The following PRR16 variants were observed in gnomAD, a reference collection of about 807,000 sequenced individuals.
PRR16 encodes the protein proline rich 16.
PRR16 carries 6 observed loss-of-function variants against 18.2 expected under a neutral mutation model. The observed-to-expected ratio is 0.33, with a 90% CI of 0.18 to 0.65. The LOEUF (loss-of-function observed/expected upper bound fraction) is 0.65, where lower values mean the gene tolerates loss of function less well. Among genes scored for constraint, PRR16 ranks in the 30% least tolerant of loss-of-function variants. The pLI, the probability that PRR16 is intolerant of heterozygous loss-of-function variation, is 0.74. For synonymous variants in PRR16, 151 were observed against 147.8 expected (o/e 1.02, Z -0.16); for missense variants, 412 against 376.6 (o/e 1.09, Z -0.78).
chr5:120,694,121 A>G, the PRR16 span, among the ~76,000 whole-genome samples: 1 of 152,256 alleles, frequency 6.6e-6, no homozygotes, highest in African/African-American at 2.4e-5. Flanking sequence ...AACCTTGAAC[A>G]AATACAAATC....
chr5:120,469,622 G>A (rs1749206964), intron 1 of PRR16, among the ~76,000 whole-genome samples: 1 of 152,126 alleles, frequency 6.6e-6, no homozygotes, highest in Non-Finnish European at 1.5e-5. Flanking sequence ...GAGCCACCAT[G>A]TCTGGCTTGA....
the PRR16 span, among the ~76,000 whole-genome samples, chr5:120,754,476 T>A: frequency 1.1e-5 from 1 of 92,010 alleles, no homozygotes; most frequent in Admixed American, 1.7e-4. Flanking sequence ...ATAGTATATA[T>A]TATATAATAT....
intron 1 of PRR16, among the ~76,000 whole-genome samples, chr5:120,635,960 T>A (rs1216313278): frequency 6.6e-6 from 1 of 152,120 alleles, no homozygotes; most frequent in African/African-American, 2.4e-5. Flanking sequence ...TTAGTAGTTC[T>A]GCTATATACC....
At position 120,499,528 on chromosome 5, in the gene PRR16, G is replaced by A. The variant is rs904105554; in HGVS notation, c.159+34883G>A. ...ATTCATGGATTCTTCTGTTTCTTCT[G>A]TTCTGCTATTGATTCTATTCCCTGG... On this transcript the variant is annotated intron_variant, in intron 1 of 1. Coordinates refer to ENST00000407149, the MANE Select transcript of PRR16 (RefSeq NM_001300783.2). 2.6e-5 allele frequency among the ~76,000 whole-genome samples: 4 copies of A among 151,958 alleles called. No homozygotes were observed. In the East Asian group the frequency reaches 7.7e-4, roughly 29 times the overall value.
intron 1 of PRR16, among the ~76,000 whole-genome samples, chr5:120,546,116 A>C (rs574906399): frequency 7.9e-5 from 12 of 152,048 alleles, no homozygotes; most frequent in Non-Finnish European, 1.5e-4. Flanking sequence ...GGAGTTAATA[A>C]CAGTGTTGCA....
chr5:120,482,898 A>G (rs1000678300), intron 1 of PRR16, among the ~76,000 whole-genome samples: 1 of 152,186 alleles, frequency 6.6e-6, no homozygotes, highest in Non-Finnish European at 1.5e-5. Context: ...ATGGCATAGG[A>G]TGAATAAGGA....
intron 1 of PRR16, among the ~76,000 whole-genome samples, chr5:120,492,105 T>C (rs1226975619): frequency 6.9e-6 from 1 of 144,762 alleles, no homozygotes; most frequent in African/African-American, 2.6e-5. Flanking sequence ...TTTTTTTTTT[T>C]GAGACAGCAC....
intron 1 of PRR16, among the ~76,000 whole-genome samples, chr5:120,571,287 G>A (rs1752898987): frequency 6.6e-6 from 1 of 152,146 alleles, no homozygotes; most frequent in South Asian, 2.1e-4. Flanking sequence ...TGAGCCATGT[G>A]GGTGATGAGA....
chr5:120,573,569 G>A (rs1752973922), intron 1 of PRR16, among the ~76,000 whole-genome samples: 1 of 152,100 alleles, frequency 6.6e-6, no homozygotes, highest in African/African-American at 2.4e-5. Context: ...GGTGAACTTG[G>A]AGAACATTGA....
chr5:120,490,069 C>T (rs1749970818), intron 1 of PRR16, among the ~76,000 whole-genome samples: 1 of 152,202 alleles, frequency 6.6e-6, no homozygotes, highest in African/African-American at 2.4e-5. Flanking sequence ...ACCTTTCTCT[C>T]TGGCTGCCCT....
intron 1 of PRR16, among the ~76,000 whole-genome samples, chr5:120,558,300 A>G (rs922417424): frequency 1.3e-5 from 2 of 151,694 alleles, no homozygotes; most frequent in Non-Finnish European, 3.0e-5. Flanking sequence ...CTCTTCCCCA[A>G]CTACCCTTTT....
intron 1 of PRR16, among the ~76,000 whole-genome samples, chr5:120,548,922 A>G (rs956757430): frequency 6.6e-6 from 1 of 151,894 alleles, no homozygotes; most frequent in Non-Finnish European, 1.5e-5. Flanking sequence ...ACATTGAGAC[A>G]TGCTGAAAAT....
In PRR16 at chr5:120,638,523, A is replaced by G. The variant is rs186662994; in HGVS notation, c.160-47431A>G. 2.3e-4 allele frequency among the ~76,000 whole-genome samples: 35 copies of G among 152,212 alleles called. No homozygotes were observed. The East Asian group carries it at 6.8e-3, about 29-fold the overall frequency. Reference sequence around the variant, plus strand: ...CCATTTATTGACTTATTTAAGTCTAACAAGGTCATGAGATTCTATTATAAT... The same window carrying G: ...CCATTTATTGACTTATTTAAGTCTAGCAAGGTCATGAGATTCTATTATAAT... On this transcript the variant is annotated intron_variant, in intron 1 of 1. Transcript: ENST00000407149.
At chr5:120,702,661 T>C in the PRR16 span, among the ~76,000 whole-genome samples, 47,964 of 151,984 alleles carry the variant, frequency 0.32, 8,028 homozygotes, top group Middle Eastern at 0.44. Context: ...GCCGGAGTTT[T>C]GGGTCCACGG....
At chr5:120,644,277 A>G (rs1554091117) in intron 1 of PRR16, among the ~76,000 whole-genome samples, 2 of 152,192 alleles carry the variant, frequency 1.3e-5, no homozygotes, top group South Asian at 2.1e-4. Flanking sequence ...TATTTTTATT[A>G]TTTAACTTTA....
chr5:120,497,416 A>C (rs1580649320), intron 1 of PRR16, among the ~76,000 whole-genome samples: 4 of 100,982 alleles, frequency 4.0e-5, no homozygotes, highest in Non-Finnish European at 7.2e-5. Context: ...TTGGAGATGG[A>C]GTCTCACGCT....
intron 1 of PRR16, among the ~76,000 whole-genome samples, chr5:120,556,113 T>C (rs1752401219): frequency 6.6e-6 from 1 of 151,594 alleles, no homozygotes; most frequent in African/African-American, 2.4e-5. Flanking sequence ...TTTTTTTTCC[T>C]ACTCCAAAAC....
At chr5:120,763,756 A>G in the PRR16 span, among the ~76,000 whole-genome samples, 1 of 152,014 alleles carries the variant, frequency 6.6e-6, no homozygotes, top group Non-Finnish European at 1.5e-5. Context: ...GTTTACTTGT[A>G]GAGGTGTTTC....
At chr5:120,779,102 G>C in the PRR16 span, among the ~76,000 whole-genome samples, 1 of 152,012 alleles carries the variant, frequency 6.6e-6, no homozygotes, top group Non-Finnish European at 1.5e-5. Flanking sequence ...ATATGCACAC[G>C]TTAACATTAG....
Sources: gnomAD v4.1 joint callset for allele counts (sites outside exome capture counted in the v4.1 genomes callset) on GRCh38, gnomAD v4.1.1 for gene constraint, MANE v1.5 for transcripts, NCBI Gene and HGNC (gene_info 2026-07-23, HGNC 2026-07-21) for gene names.